Variants in MAP4K1 observed in about 807,000 individuals in gnomAD.
MAP4K1 encodes the protein MAPK/ERK kinase kinase kinase 1.
In MAP4K1, 35 loss-of-function variants were observed where a neutral mutation model predicts 122.8. The observed-to-expected ratio is 0.29, with a 90% CI of 0.22 to 0.38. The LOEUF is 0.38. Ranked by LOEUF, MAP4K1 falls within the 10% of genes least tolerant of loss-of-function variation. The pLI is 1.00. For missense variants in MAP4K1, 791 were observed against 1,072.6 expected (o/e 0.74, Z 3.67); for synonymous variants, 412 against 421.3 (o/e 0.98, Z 0.27).
chr19:38,590,392 A>ACAT (rs1247938342), intron 30 of MAP4K1, among the ~76,000 whole-genome samples: 1 of 19,738 alleles, frequency 5.1e-5, no homozygotes, highest in Non-Finnish European at 8.9e-5. Flanking sequence ...AAAAAAAAAA[A>ACAT]AAATATATAT....
intron 29 of MAP4K1, 43 bp from the exon 30 acceptor site, chr19:38,593,380 C>T (rs1459030403): frequency 6.5e-7 from 1 of 1,538,998 alleles, no homozygotes; most frequent in Admixed American, 1.8e-5. Context: ...GAAGATACCT[C>T]CACTGTCACT....
Position 38,606,211 on chromosome 19 carries a change from T to A in MAP4K1, c.1162A>T (p.Thr388Ser). ...GGAGGAGGTGTGTCCTCTGCAGGGGTGGGGCTGAAACACAAAGATGGGTTA... is the reference window on the plus strand; with the variant it reads ...GGAGGAGGTGTGTCCTCTGCAGGGGAGGGGCTGAAACACAAAGATGGGTTA... ...DDDYDDVDIP[T>S]PAEDTPPPLP... The change falls in exon 17 of 31, where the codon ACC (threonine) becomes TCC (serine). Residue 388 changes from threonine (T) to serine (S), a missense_variant. Around this residue, in one of 4 missense-constraint regions of MAP4K1, gnomAD observed 303 missense variants for 344.8 expected, o/e 0.88. Transcript: ENST00000396857. The A allele has an allele frequency of 1.9e-6, 3 of 1,548,338 alleles. No individual in the cohort carries two copies. Among genetic ancestry groups the A allele is most frequent in the Non-Finnish European group, 2.6e-6 (3 of 1,149,942 alleles).
In MAP4K1 at chr19:38,587,737, C is replaced by A. The variant is rs556115902; in HGVS notation, c.*11G>T. ...GGTGCAAGGACTAGTTCCTGACACC[C>A]CCCTAGGGACTCATTCCTGGATGTA... On this transcript the variant is annotated 3_prime_UTR_variant, in exon 31 of 31. Transcript: ENST00000396857. 4 of 1,611,640 alleles carry A rather than the reference C, an allele frequency of 2.5e-6. No individual in the cohort carries two copies. The South Asian group carries it at 4.4e-5, about 18-fold the overall frequency.
chr19:38,600,094 C>G lies in MAP4K1; in HGVS notation c.1591G>C (p.Glu531Gln). 6.2e-7 allele frequency: 1 copy of G among 1,614,172 alleles called. No homozygotes were observed. Among genetic ancestry groups the G allele is most frequent in the Non-Finnish European group, 8.5e-7 (1 of 1,180,038 alleles). ...GIFILNRNDQ[E>Q]ATLEMLFPSR... is the part of the protein sequence containing the mutation. The stretch of plus-strand genomic sequence containing the variant: ...TTCCTCACCATTTCCAGCGTGGCCT[C>G]CTGGTCATTCCGGTTCAGGATGAAG... Residue 531 changes from glutamate (E) to glutamine (Q), a missense_variant, in exon 21 of 31, where the codon GAG becomes CAG. Glu to Gln is a conservative substitution (Grantham distance 29). Coordinates refer to ENST00000396857, the MANE Select transcript of MAP4K1 (RefSeq NM_001042600.3).
chr19:38,605,351 C>G, intron 19 of MAP4K1, 58 bp downstream of exon 19: 2 of 1,321,654 alleles, frequency 1.5e-6, no homozygotes, highest in South Asian at 2.5e-5. Context: ...CTCCCCACCC[C>G]ACCAGGCATC....
At chr19:38,591,253 G>A (rs1240507738) in intron 30 of MAP4K1, among the ~76,000 whole-genome samples, 1 of 152,002 alleles carries the variant, frequency 6.6e-6, no homozygotes, top group Non-Finnish European at 1.5e-5. Flanking sequence ...ATCTGGCCAG[G>A]TACAGTGGCT....
intron 30 of MAP4K1, among the ~76,000 whole-genome samples, chr19:38,590,030 T>TA (rs962648148): frequency 3.3e-5 from 5 of 149,462 alleles, no homozygotes; most frequent in South Asian, 2.1e-4. Flanking sequence ...AATCTATCTT[T>TA]AAAAAAAAAG....
rs1481622308 is a variant in MAP4K1, at chr19:38,617,261, G to T, written c.248+93C>A. 3.9e-5 allele frequency: 33 copies of T among 847,514 alleles called. No homozygotes were observed. The highest frequency in any genetic ancestry group is 3.7e-4 in the South Asian group (26 of 70,974). 52.5% of individuals were successfully genotyped at this position (847,514 alleles called of 1,614,324 possible). On this transcript the variant is annotated intron_variant, in intron 3 of 30. Coordinates refer to ENST00000396857, the MANE Select transcript of MAP4K1 (RefSeq NM_001042600.3). This position sits in a 1 kb window ranked among gnomAD's most constrained non-coding sequence, Gnocchi z 4.1. ...TCCATCTCAAAAAAGAAAAAGAAAAGAAAAAAAAAGAACTGAGGGTACCCC... is the reference window on the plus strand; with the variant it reads ...TCCATCTCAAAAAAGAAAAAGAAAATAAAAAAAAAGAACTGAGGGTACCCC...
intron 22 of MAP4K1, among the ~76,000 whole-genome samples, chr19:38,598,840 C>T (rs1415443534): frequency 9.3e-5 from 14 of 150,878 alleles, no homozygotes; most frequent in South Asian, 4.2e-4. Context: ...GGCGAAACCC[C>T]GTCTCTACTA....
At chr19:38,614,479 G>A in intron 4 of MAP4K1, 34 bp from the exon 5 acceptor site, 1 of 1,613,146 alleles carries the variant, frequency 6.2e-7, no homozygotes. Context: ...CCAGGCATTG[G>A]ATGGGAGCCA....
chr19:38,605,934 G>A (rs1182952428), intron 17 of MAP4K1, among the ~76,000 whole-genome samples: 2 of 151,190 alleles, frequency 1.3e-5, no homozygotes, highest in Non-Finnish European at 2.9e-5. Context: ...ATGGGTTAAT[G>A]CTGGATATAT....
rs776363533 is a variant in MAP4K1, at chr19:38,612,675, G to A, written c.601C>T (p.Leu201=). The change falls in exon 9 of 31, where the codon CTG becomes TTG. Residue 201 remains leucine, a synonymous_variant. Transcript: ENST00000396857. ...GCCAGTTCGATGGCCGTGATGCCCA[G>A]GGACCAGATGTCACACAGCTCATTG... ...GYNELCDIWS[L]GITAIELAEL... is the part of the protein sequence containing the mutation. The A allele has an allele frequency of 1.2e-6, 2 of 1,613,908 alleles. No individual in the cohort carries two copies. The highest frequency in any genetic ancestry group is 1.1e-5 in the South Asian group (1 of 91,084).
intron 19 of MAP4K1, among the ~76,000 whole-genome samples, chr19:38,603,172 A>C (rs1282806735): frequency 6.7e-6 from 1 of 149,922 alleles, no homozygotes; most frequent in Non-Finnish European, 1.5e-5. Context: ...ACATATATAC[A>C]CATGTACATA....
rs1599706920 is a variant in MAP4K1, at chr19:38,603,409, T to C, written c.1447-1884A>G. Reference sequence around the variant, plus strand: ...ATGTACATATATATGCATATACATATATATACACGTATACATATATACACA... The same window carrying C: ...ATGTACATATATATGCATATACATACATATACACGTATACATATATACACA... On this transcript the variant is annotated intron_variant, in intron 19 of 30. Transcript: ENST00000396857. Among the ~76,000 whole-genome samples, 3 of 148,266 alleles carry C rather than the reference T, an allele frequency of 2.0e-5. No individual in the cohort carries two copies. In the Admixed American group the frequency reaches 2.1e-4, roughly 10 times the overall value.
Position 38,614,508 on chromosome 19 carries a change from G to A in MAP4K1, c.314-63C>T, listed in dbSNP as rs1006261009. On this transcript the variant is annotated intron_variant, in intron 4 of 30. Coordinates refer to ENST00000396857, the MANE Select transcript of MAP4K1 (RefSeq NM_001042600.3). ...GGAGCCAGGGAACCTGGGCTGGGGA[G>A]TCCTGCCCCCCCACACCAGCTAAGA... The A allele has an allele frequency of 3.2e-4, 505 of 1,569,732 alleles. 1 individual carries two copies. Among genetic ancestry groups the A allele is most frequent in the Non-Finnish European group, 3.8e-4 (438 of 1,142,378 alleles).
intron 22 of MAP4K1, among the ~76,000 whole-genome samples, chr19:38,599,610 T>G (rs1306113351): frequency 1.3e-5 from 2 of 151,718 alleles, no homozygotes; most frequent in African/African-American, 4.8e-5. Context: ...TGCCGTGAGC[T>G]GAGATTGTAC....
intron 16 of MAP4K1, among the ~76,000 whole-genome samples, chr19:38,607,326 T>C (rs1810271144): frequency 6.6e-6 from 1 of 151,886 alleles, no homozygotes; most frequent in South Asian, 2.1e-4. Context: ...TTTGGGAGGC[T>C]GAGATGGGCG....
chr19:38,605,666 G>T lies in MAP4K1; in HGVS notation c.1265C>A (p.Pro422Gln). Residue 422 changes from proline (P) to glutamine (Q), a missense_variant, in exon 18 of 31, where the codon CCG (proline) becomes CAG (glutamine). Pro to Gln is a moderately conservative substitution (Grantham distance 76, BLOSUM62 -1). Transcript: ENST00000396857. ...GSMGDDGQLS[P>Q]GVLVRCASGP... ...ACTGGCACACCGGACCAGCACCCCCGGGCTCAGCTGCCCATCATCCCCCAT... is the reference window on the plus strand; with the variant it reads ...ACTGGCACACCGGACCAGCACCCCCTGGCTCAGCTGCCCATCATCCCCCAT... 1.2e-6 allele frequency: 2 copies of T among 1,605,656 alleles called. No homozygotes were observed. Among genetic ancestry groups the T allele is most frequent in the South Asian group, 2.2e-5 (2 of 90,286 alleles).
chr19:38,613,217 G>T (rs1424953391), intron 8 of MAP4K1, among the ~76,000 whole-genome samples: 1 of 149,914 alleles, frequency 6.7e-6, no homozygotes, highest in East Asian at 2.0e-4. Context: ...TGAGGCAGGA[G>T]AATTGCTTGA....
Sources: gnomAD v4.1 joint callset for allele counts (sites outside exome capture counted in the v4.1 genomes callset) on GRCh38, gnomAD v4.1.1 for gene constraint, gnomAD v4.1.1 regional missense constraint, Gnocchi (gnomAD v3.1) non-coding constraint, MANE v1.5 for transcripts, NCBI Gene and HGNC (gene_info 2026-07-23, HGNC 2026-07-21) for gene names.